The following FGF18 variants were observed in gnomAD, a reference collection of about 807,000 sequenced individuals.
FGF18 encodes fibroblast growth factor 18.
A neutral mutation model predicts 23.0 loss-of-function variants in FGF18; 5 were observed. The observed-to-expected ratio is 0.22, with a 90% confidence interval of 0.11 to 0.46. The LOEUF (loss-of-function observed/expected upper bound fraction) is 0.46. Ranked by LOEUF, FGF18 falls within the 20% of genes least tolerant of loss-of-function variation. FGF18 has a pLI of 0.99. For missense variants in FGF18, 180 were observed against 291.6 expected (o/e 0.62, Z 2.79); for synonymous variants, 117 against 118.9 (o/e 0.98, Z 0.10).
chr5:171,455,585 G>A (rs1772569368), intron 4 of FGF18, among the ~76,000 whole-genome samples: 1 of 152,184 alleles, frequency 6.6e-6, no homozygotes, highest in Non-Finnish European at 1.5e-5. Flanking sequence ...CGTAGTTTCT[G>A]TCCTTCTCTC....
intron 3 of FGF18, among the ~76,000 whole-genome samples, chr5:171,441,631 T>C (rs983147124): frequency 5.3e-5 from 8 of 152,178 alleles, no homozygotes; most frequent in African/African-American, 1.4e-4. Flanking sequence ...CCTGCTGTTA[T>C]ATATTTAGTT....
At chr5:171,455,150 G>A (rs1209794490) in intron 4 of FGF18, among the ~76,000 whole-genome samples, 2 of 152,216 alleles carry the variant, frequency 1.3e-5, no homozygotes, top group African/African-American at 4.8e-5. Context: ...AAGTGTTAGA[G>A]GTCGTTTGTT....
intron 4 of FGF18, among the ~76,000 whole-genome samples, chr5:171,455,246 A>G (rs113654277): frequency 1.2e-4 from 18 of 152,188 alleles, no homozygotes; most frequent in African/African-American, 4.3e-4. Context: ...CTGAGATCCC[A>G]CAACCGACGG....
chr5:171,436,286 C>A lies in FGF18; in HGVS notation c.250+13C>A. The stretch of plus-strand genomic sequence containing the variant: ...GGGGACAAGTATGGTATGTGCCAAC[C>A]CTCTCCTCCTACTCCGTGTACCCGT... On this transcript the variant is annotated intron_variant, in intron 3 of 4. Transcript: ENST00000274625. The surrounding 1 kb of genome is among the most constrained non-coding windows in gnomAD (Gnocchi z 4.4). 6.5e-7 allele frequency: 1 copy of A among 1,536,784 alleles called. No homozygotes were observed. Among genetic ancestry groups the A allele is most frequent in the South Asian group, 1.2e-5 (1 of 80,716 alleles).
Position 171,456,872 on chromosome 5 carries a change from G to T in FGF18, c.*67G>T. 2.0e-6 allele frequency: 3 copies of T among 1,512,506 alleles called. No individual in the cohort carries two copies. In the East Asian group the frequency reaches 6.8e-5, roughly 34 times the overall value. The allele number at this position is 1,512,506 out of a possible 1,614,324, so 93.7% of individuals were successfully genotyped here. ...ACACTCCCAGAAAACTGCATCAGAG[G>T]AATATTTTTACATGAAAAATAAGGA... On this transcript the variant is annotated 3_prime_UTR_variant, in exon 5 of 5. Coordinates refer to ENST00000274625, the MANE Select transcript of FGF18 (RefSeq NM_003862.3). This position sits in a 1 kb window ranked among gnomAD's most constrained non-coding sequence, Gnocchi z 6.1.
At position 171,451,070 on chromosome 5, in the gene FGF18, G is replaced by A. The variant is rs1454711476; in HGVS notation, c.357+1817G>A. Among the ~76,000 whole-genome samples, 1 of 80,490 alleles carries A rather than the reference G, an allele frequency of 1.2e-5. No individual in the cohort carries two copies. Among genetic ancestry groups the A allele is most frequent in the Non-Finnish European group, 2.5e-5 (1 of 40,162 alleles). The allele number at this position is 80,490 out of a possible 152,430, so 52.8% of individuals were successfully genotyped here. On this transcript the variant is annotated intron_variant, in intron 4 of 4. Coordinates refer to ENST00000274625, the MANE Select transcript of FGF18 (RefSeq NM_003862.3). This position sits in a 1 kb window ranked among gnomAD's most constrained non-coding sequence, Gnocchi z 4.5. ...CGGGCCGCCCCCCCACCCCGCCGCC[G>A]GCCGCCTCCCGCCCGCGGGCGAGCC...
Position 171,436,412 on chromosome 5 carries a change from GT to G in FGF18, c.250+142del. 1.7e-6 allele frequency: 1 copy of G among 582,792 alleles called. No individual in the cohort carries two copies. Among genetic ancestry groups the G allele is most frequent in the Non-Finnish European group, 2.7e-6 (1 of 363,656 alleles). The allele number at this position is 582,792 out of a possible 1,614,324, so 36.1% of individuals were successfully genotyped here. ...CCTGGCACTGACCCTTTCTGGGTCT[GT>G]TTCCTGATCTATAAAATGGGGATGC... On this transcript the variant is annotated intron_variant, in intron 3 of 4. Coordinates refer to ENST00000274625, the MANE Select transcript of FGF18 (RefSeq NM_003862.3). The surrounding 1 kb of genome is among the most constrained non-coding windows in gnomAD (Gnocchi z 4.4).
chr5:171,435,943 T>G, intron 2 of FGF18, 150 bp from the exon 3 acceptor site: 2 of 535,896 alleles, frequency 3.7e-6, no homozygotes, highest in Non-Finnish European at 5.9e-6. Flanking sequence ...TGAATGGGGG[T>G]AGTGAGGGGG....
At chr5:171,432,555 T>C (rs1166997370) in intron 2 of FGF18, among the ~76,000 whole-genome samples, 2 of 152,072 alleles carry the variant, frequency 1.3e-5, no homozygotes, top group Non-Finnish European at 2.9e-5. Flanking sequence ...ATTACAGGCA[T>C]GCACCACCAC....
chr5:171,449,923 C>T (rs904794301), intron 4 of FGF18, among the ~76,000 whole-genome samples: 2 of 152,064 alleles, frequency 1.3e-5, no homozygotes, highest in Non-Finnish European at 2.9e-5. Context: ...CACCCCTGTT[C>T]GTTTCCTGGG....
intron 3 of FGF18, among the ~76,000 whole-genome samples, chr5:171,441,831 G>A (rs1772350113): frequency 6.6e-6 from 1 of 152,170 alleles, no homozygotes; most frequent in Non-Finnish European, 1.5e-5. Flanking sequence ...CTTCCCCCTG[G>A]CGCATTGAGG....
intron 4 of FGF18, among the ~76,000 whole-genome samples, chr5:171,452,965 G>A (rs1460130329): frequency 6.6e-6 from 1 of 152,192 alleles, no homozygotes; most frequent in African/African-American, 2.4e-5. Flanking sequence ...TCCGTCTTCA[G>A]ATCAAATGGA....
chr5:171,422,364 C>G (rs1013205135), intron 2 of FGF18, among the ~76,000 whole-genome samples: 3 of 152,124 alleles, frequency 2.0e-5, no homozygotes, highest in Admixed American at 6.5e-5. Flanking sequence ...TCCCCACCGG[C>G]CTTTCTGCAT....
intron 2 of FGF18, among the ~76,000 whole-genome samples, chr5:171,427,919 T>C (rs993416584): frequency 6.6e-6 from 1 of 152,154 alleles, no homozygotes; most frequent in Non-Finnish European, 1.5e-5. Context: ...CACGCTTCAG[T>C]TGGCCGTGTG....
At chr5:171,424,917 C>T (rs917125271) in intron 2 of FGF18, among the ~76,000 whole-genome samples, 36 of 152,182 alleles carry the variant, frequency 2.4e-4, no homozygotes, top group Non-Finnish European at 1.0e-4. Context: ...GAGTGTCACC[C>T]GCTCTGAGAT....
intron 4 of FGF18, among the ~76,000 whole-genome samples, chr5:171,452,076 A>T (rs941046678): frequency 1.3e-5 from 2 of 152,180 alleles, no homozygotes; most frequent in Admixed American, 1.3e-4. Context: ...AAATAGAAAC[A>T]TGGTTCCTGC....
At chr5:171,432,742 G>C (rs1019428851) in intron 2 of FGF18, among the ~76,000 whole-genome samples, 1 of 152,230 alleles carries the variant, frequency 6.6e-6, no homozygotes, top group African/African-American at 2.4e-5. Context: ...AGAGTGTCTG[G>C]AACAGGGGAA....
chr5:171,436,666 G>GA lies in FGF18; in HGVS notation c.250+397dup, dbSNP rs1239761327. 6.6e-6 allele frequency among the ~76,000 whole-genome samples: 1 copy of GA among 152,182 alleles called. No homozygotes were observed. Among genetic ancestry groups the GA allele is most frequent in the Non-Finnish European group, 1.5e-5 (1 of 68,042 alleles). On this transcript the variant is annotated intron_variant, in intron 3 of 4. Transcript: ENST00000274625. This position sits in a 1 kb window ranked among gnomAD's most constrained non-coding sequence, Gnocchi z 4.4. ...ATGCTTTTAGGAAGCTGCTGGTGGTGAAAATCAGCCTAGTGTGTGTGTTAT... is the reference window on the plus strand; with the variant it reads ...ATGCTTTTAGGAAGCTGCTGGTGGTGAAAAATCAGCCTAGTGTGTGTGTTAT...
chr5:171,442,879 C>G (rs1036888843), intron 3 of FGF18, among the ~76,000 whole-genome samples: 28 of 152,236 alleles, frequency 1.8e-4, no homozygotes, highest in African/African-American at 6.8e-4. Context: ...CTTCCCTTTT[C>G]TGTCATCACC....
Sources: gnomAD v4.1 joint callset for allele counts (sites outside exome capture counted in the v4.1 genomes callset) on GRCh38, gnomAD v4.1.1 for gene constraint, Gnocchi (gnomAD v3.1) non-coding constraint, MANE v1.5 for transcripts, NCBI Gene and HGNC (gene_info 2026-07-23, HGNC 2026-07-21) for gene names.